HRH1: variants seen among roughly 807,000 people sequenced by gnomAD.
The protein encoded by HRH1 is histamine H1 receptor.
Under a neutral mutation model 10.3 loss-of-function variants are expected in HRH1, and 6 were observed. The observed-to-expected ratio is 0.58, with a 90% CI of 0.32 to 1.15. HRH1 has a LOEUF of 1.15. Among genes scored for constraint, HRH1 ranks in the 50% most tolerant of loss-of-function variants. The pLI is 0.05. For synonymous variants in HRH1, 242 were observed against 236.7 expected (o/e 1.02, Z -0.21); for missense variants, 514 against 615.3 (o/e 0.84, Z 1.74).
Position 11,263,434 on chromosome 3 carries a change from C to G in HRH1, c.*2933C>G, listed in dbSNP as rs571105120. 40 of 167,214 alleles carry G rather than the reference C, an allele frequency of 2.4e-4. No homozygotes were observed. Among genetic ancestry groups the G allele is most frequent in the Admixed American group, 1.6e-3 (25 of 15,306 alleles). The allele number at this position is 167,214 out of a possible 1,614,324, so 10.4% of individuals were successfully genotyped here. The stretch of plus-strand genomic sequence containing the variant: ...AGGCATGGTGGCTCATGCCTGTAAT[C>G]CCAGCACACTGGGAGGCTGACGCGG... On this transcript the variant is annotated 3_prime_UTR_variant, in exon 2 of 2. Transcript: ENST00000431010.
At chr3:11,226,845 C>T (rs1938898103) in intron 1 of HRH1, among the ~76,000 whole-genome samples, 1 of 147,912 alleles carries the variant, frequency 6.8e-6, no homozygotes, top group Non-Finnish European at 1.5e-5. Flanking sequence ...CGAGATGGCA[C>T]CATTGCACTA....
chr3:11,219,159 G>T (rs1938613221), intron 1 of HRH1, among the ~76,000 whole-genome samples: 1 of 152,138 alleles, frequency 6.6e-6, no homozygotes, highest in African/African-American at 2.4e-5. Flanking sequence ...AAAGTGCTGG[G>T]ATTACAGGAG....
chr3:11,143,568 G>A (rs13317279), intron 1 of HRH1, among the ~76,000 whole-genome samples: 17 of 152,192 alleles, frequency 1.1e-4, no homozygotes, highest in African/African-American at 3.4e-4. Flanking sequence ...ATTCTAGTCC[G>A]CAGGTTCATT....
chr3:11,161,469 C>G (rs895722488), intron 1 of HRH1, among the ~76,000 whole-genome samples: 1 of 152,218 alleles, frequency 6.6e-6, no homozygotes, highest in African/African-American at 2.4e-5. Context: ...CCAGCCCACA[C>G]CTGTGGTCTG....
intron 1 of HRH1, among the ~76,000 whole-genome samples, chr3:11,227,183 T>C (rs1387247931): frequency 6.6e-6 from 1 of 152,134 alleles, no homozygotes; most frequent in Admixed American, 6.5e-5. Flanking sequence ...GGACATCATC[T>C]CTGCTCTTCA....
chr3:11,245,021 T>G (rs1424999752), intron 1 of HRH1, among the ~76,000 whole-genome samples: 2 of 152,184 alleles, frequency 1.3e-5, no homozygotes, highest in Admixed American at 1.3e-4. Context: ...TGAAGAGTCA[T>G]GCAGCCCAAA....
chr3:11,243,264 A>G (rs1666988), intron 1 of HRH1, among the ~76,000 whole-genome samples: 97,854 of 151,992 alleles, frequency 0.64, 31,802 homozygotes, highest in East Asian at 0.71. Context: ...TTGAGCACCT[A>G]TCATGTGCCA....
chr3:11,171,258 A>G (rs556770744), intron 1 of HRH1, among the ~76,000 whole-genome samples: 116 of 151,086 alleles, frequency 7.7e-4, no homozygotes, highest in Admixed American at 2.8e-3. Context: ...CTGGGATTAC[A>G]GGCATGCACC....
intron 1 of HRH1, among the ~76,000 whole-genome samples, chr3:11,177,020 G>A (rs1334578434): frequency 1.3e-5 from 2 of 151,926 alleles, no homozygotes; most frequent in Middle Eastern, 3.4e-3. Context: ...TTAAACCTGG[G>A]AAGCAGAGAT....
intron 1 of HRH1, among the ~76,000 whole-genome samples, chr3:11,159,961 C>T (rs145464955): frequency 1.3e-5 from 2 of 152,314 alleles, no homozygotes; most frequent in East Asian, 3.9e-4. Context: ...GAGAGCCCAG[C>T]CTTGGACTCT....
At chr3:11,211,153 T>C (rs1938314007) in intron 1 of HRH1, among the ~76,000 whole-genome samples, 2 of 152,146 alleles carry the variant, frequency 1.3e-5, no homozygotes, top group Non-Finnish European at 2.9e-5. Flanking sequence ...AGGTTAGAAA[T>C]AACAAGAGAA....
chr3:11,221,108 ACCT>A (rs1404520905), intron 1 of HRH1, among the ~76,000 whole-genome samples: 7 of 152,088 alleles, frequency 4.6e-5, no homozygotes, highest in African/African-American at 1.4e-4. Flanking sequence ...ACCACAAGAC[ACCT>A]CCATTCAGTC....
At chr3:11,172,365 C>G (rs61022425) in intron 1 of HRH1, among the ~76,000 whole-genome samples, 2,999 of 152,336 alleles carry the variant, frequency 0.02, 101 homozygotes, top group African/African-American at 0.066. Flanking sequence ...AGGGCCCCTG[C>G]TTTCTCCTAC....
At chr3:11,163,912 C>A (rs1248421253) in intron 1 of HRH1, among the ~76,000 whole-genome samples, 3 of 152,172 alleles carry the variant, frequency 2.0e-5, no homozygotes, top group Non-Finnish European at 4.4e-5. Flanking sequence ...CCCAGACTCA[C>A]ATCTTCCATA....
intron 1 of HRH1, chr3:11,253,019 G>T (rs892511731): frequency 4.6e-5 from 7 of 152,140 alleles, no homozygotes; most frequent in African/African-American, 1.7e-4. Flanking sequence ...CTTCCTAATA[G>T]ATTTGTCCCT....
intron 1 of HRH1, among the ~76,000 whole-genome samples, chr3:11,215,700 C>G (rs1003068900): frequency 3.3e-5 from 5 of 152,234 alleles, no homozygotes; most frequent in Admixed American, 6.5e-5. Flanking sequence ...CTCGGCCTCT[C>G]AGAGTGCTGG....
intron 1 of HRH1, among the ~76,000 whole-genome samples, chr3:11,182,442 C>A (rs577361300): frequency 2.0e-5 from 3 of 152,310 alleles, no homozygotes; most frequent in South Asian, 2.1e-4. Context: ...ATAGAACATT[C>A]TTTTAATTCA....
chr3:11,151,800 C>T (rs897879421), upstream of HRH1, among the ~76,000 whole-genome samples: 12 of 152,164 alleles, frequency 7.9e-5, no homozygotes, highest in South Asian at 2.1e-4. Flanking sequence ...CCACCATGCC[C>T]GGCCCATCAC....
Position 11,259,270 on chromosome 3 carries a change from C to T in HRH1, c.233C>T (p.Ala78Val). The T allele has an allele frequency of 1.9e-6, 3 of 1,610,646 alleles. No homozygotes were observed. The highest frequency in any genetic ancestry group is 2.5e-6 in the Non-Finnish European group (3 of 1,178,594). The change falls in exon 2 of 2, where the codon GCC becomes GTC. Residue 78 changes from alanine to valine, a missense_variant. Ala to Val is a moderately conservative substitution (Grantham distance 64). Coordinates refer to ENST00000431010, the MANE Select transcript of HRH1 (RefSeq NM_001098212.2). This position sits in a 1 kb window ranked among gnomAD's most constrained non-coding sequence, Gnocchi z 4.6. ...TCGGTGGCGGACTTGATCGTGGGTG[C>T]CGTCGTCATGCCTATGAACATCCTC... ...SLSVADLIVG[A>V]VVMPMNILYL...
Sources: gnomAD v4.1 joint callset for allele counts (sites outside exome capture counted in the v4.1 genomes callset) on GRCh38, gnomAD v4.1.1 for gene constraint, Gnocchi (gnomAD v3.1) non-coding constraint, MANE v1.5 for transcripts, NCBI Gene and HGNC (gene_info 2026-07-23, HGNC 2026-07-21) for gene names.